Variants in SEMA3D observed in about 807,000 individuals in gnomAD.
The protein encoded by SEMA3D is semaphorin 3D, also known as semaphorin-3D.
A neutral mutation model predicts 100.1 loss-of-function variants in SEMA3D; 84 were observed. The ratio of observed to expected loss-of-function variants is 0.84; its 90% CI spans 0.70 to 1.01. SEMA3D has a LOEUF of 1.01. Ranked by LOEUF, SEMA3D falls within the 50% of genes least tolerant of loss-of-function variation. The probability of loss-of-function intolerance (pLI) is 0.00; values close to 1 mark genes in which losing one functional copy is unlikely to be tolerated. For missense variants in SEMA3D, 875 were observed against 934.1 expected (o/e 0.94, Z 0.82); for synonymous variants, 312 against 320.7 (o/e 0.97, Z 0.29).
the SEMA3D span, among the ~76,000 whole-genome samples, chr7:85,216,649 G>C: frequency 6.6e-6 from 1 of 151,704 alleles, no homozygotes; most frequent in Non-Finnish European, 1.5e-5. Context: ...TCCCACCATT[G>C]CTTTTGTGTT....
chr7:85,025,631 G>A (rs1166265286), intron 12 of SEMA3D, among the ~76,000 whole-genome samples: 2 of 152,056 alleles, frequency 1.3e-5, no homozygotes, highest in Non-Finnish European at 2.9e-5. Flanking sequence ...TTTGAAACAA[G>A]TCAGAGGAAT....
chr7:85,094,381 A>G (rs1353125307), intron 4 of SEMA3D, among the ~76,000 whole-genome samples: 1 of 152,050 alleles, frequency 6.6e-6, no homozygotes, highest in African/African-American at 2.4e-5. Flanking sequence ...GGAGAAAAGG[A>G]TAAACTAAGT....
At chr7:85,112,782 A>G (rs1789128715) in intron 3 of SEMA3D, among the ~76,000 whole-genome samples, 1 of 152,232 alleles carries the variant, frequency 6.6e-6, no homozygotes. Context: ...TAGCCTTGAT[A>G]GCACTTAGCA....
At chr7:85,025,786 A>T (rs1181165342) in intron 12 of SEMA3D, among the ~76,000 whole-genome samples, 1 of 152,032 alleles carries the variant, frequency 6.6e-6, no homozygotes, top group Non-Finnish European at 1.5e-5. Flanking sequence ...GTCAACCTAC[A>T]ACAGATAAAG....
intron 1 of SEMA3D, among the ~76,000 whole-genome samples, chr7:85,166,489 C>G (rs914716320): frequency 6.6e-6 from 1 of 151,916 alleles, no homozygotes; most frequent in Non-Finnish European, 1.5e-5. Flanking sequence ...ATAATAGTAG[C>G]TAACATTTAT....
At chr7:85,039,547 A>C (rs1419448409) in intron 11 of SEMA3D, among the ~76,000 whole-genome samples, 3 of 152,210 alleles carry the variant, frequency 2.0e-5, no homozygotes, top group African/African-American at 7.2e-5. Flanking sequence ...GGCATGAGCC[A>C]TCGTGCCCAC....
intron 1 of SEMA3D, among the ~76,000 whole-genome samples, chr7:85,182,253 A>G (rs1465869554): frequency 6.6e-6 from 1 of 152,118 alleles, no homozygotes; most frequent in African/African-American, 2.4e-5. Context: ...TGATCATTAC[A>G]CTATTCCTGT....
At chr7:85,042,350 G>T in intron 9 of SEMA3D, 65 bp from the exon 10 acceptor site, 1 of 1,157,892 alleles carries the variant, frequency 8.6e-7, no homozygotes, top group Non-Finnish European at 1.3e-6. Flanking sequence ...ACTAAAACTG[G>T]TGGCTATTAC....
chr7:84,999,666 T>G lies in SEMA3D; in HGVS notation c.2108A>C (p.Lys703Thr). ...CAACCGTGACTCAGCCAATAGATCC[T>G]TGACCTTCCCCTCCTCATGCTCTGC... ...QRAEHEEGKVKDLLAESRLRY... is the reference protein window; with the variant it reads ...QRAEHEEGKVTDLLAESRLRY... The change falls in exon 19 of 19, where the codon AAG (lysine) becomes ACG (threonine). Residue 703 changes from lysine (K) to threonine (T), a missense_variant. By Grantham distance (78) the Lys-to-Thr change is moderately conservative. Coordinates refer to ENST00000284136, the MANE Select transcript of SEMA3D (RefSeq NM_001384900.1). 1.2e-6 allele frequency: 2 copies of G among 1,614,094 alleles called. No individual in the cohort carries two copies. Among genetic ancestry groups the G allele is most frequent in the Non-Finnish European group, 1.7e-6 (2 of 1,179,996 alleles).
chr7:85,073,887 T>C (rs188636324), intron 5 of SEMA3D, among the ~76,000 whole-genome samples: 28 of 152,364 alleles, frequency 1.8e-4, no homozygotes, highest in African/African-American at 6.3e-4. Flanking sequence ...CTGTTCTGCA[T>C]ATGCTTATGC....
Position 85,124,451 on chromosome 7 carries a change from C to A in SEMA3D, c.-40-2520G>T, listed in dbSNP as rs187704335. Among the ~76,000 whole-genome samples, 625 of 151,972 alleles carry A rather than the reference C, an allele frequency of 4.1e-3. 4 individuals are homozygous for A. Among genetic ancestry groups the A allele is most frequent in the African/African-American group, 0.014 (596 of 41,480 alleles). ...ATCAGCCATTGGCATCATATCTAATCGCTGACCATTTATAAGGTGAGGAAA... is the reference window on the plus strand; with the variant it reads ...ATCAGCCATTGGCATCATATCTAATAGCTGACCATTTATAAGGTGAGGAAA... On this transcript the variant is annotated intron_variant, in intron 2 of 18. Transcript: ENST00000284136.
intron 2 of SEMA3D, chr7:85,140,055 ATGC>A: frequency 2.0e-6 from 1 of 488,752 alleles, no homozygotes; most frequent in Non-Finnish European, 2.7e-6. Flanking sequence ...ATTATTACAC[ATGC>A]TACTATTAAT....
At chr7:85,227,960 T>C in the SEMA3D span, among the ~76,000 whole-genome samples, 4 of 152,116 alleles carry the variant, frequency 2.6e-5, no homozygotes, top group Admixed American at 2.6e-4. Flanking sequence ...TAGAAAATAA[T>C]AAATTGTTCT....
chr7:85,220,663 G>A, the SEMA3D span, among the ~76,000 whole-genome samples: 1 of 152,026 alleles, frequency 6.6e-6, no homozygotes, highest in Non-Finnish European at 1.5e-5. Context: ...TAATATATAT[G>A]TTATGGGCTT....
intron 4 of SEMA3D, among the ~76,000 whole-genome samples, chr7:85,088,299 C>G (rs1026846506): frequency 2.0e-5 from 3 of 152,100 alleles, no homozygotes; most frequent in Non-Finnish European, 4.4e-5. Context: ...TATATCTGCT[C>G]TTTGTTTCAT....
At chr7:85,175,708 G>C (rs1791205134) in intron 1 of SEMA3D, among the ~76,000 whole-genome samples, 2 of 151,968 alleles carry the variant, frequency 1.3e-5, no homozygotes, top group Admixed American at 1.3e-4. Context: ...TCATCATGCA[G>C]GTCATTTTTC....
rs1379296226 is a variant in SEMA3D, at chr7:85,142,316, T to G, written c.-41+11292A>C. The G allele has an allele frequency of 4.1e-6, 4 of 974,896 alleles. No homozygotes were observed. In the Admixed American group the frequency reaches 1.9e-4, roughly 45 times the overall value. The allele number at this position is 974,896 out of a possible 1,614,324, so 60.4% of individuals were successfully genotyped here. The stretch of plus-strand genomic sequence containing the variant: ...TACTTAGTTTTATCTACACCCTCAG[T>G]GTCAGCCAAAGTTAATTCCATATGA... On this transcript the variant is annotated intron_variant, in intron 2 of 18. Transcript: ENST00000284136.
In SEMA3D at chr7:85,022,419, G is replaced by T; in HGVS notation, c.1386C>A (p.Gly462=). The T allele has an allele frequency of 6.2e-7, 1 of 1,611,472 alleles. No individual in the cohort carries two copies. Among genetic ancestry groups the T allele is most frequent in the Non-Finnish European group, 8.5e-7 (1 of 1,178,178 alleles). The part of the protein sequence containing the change: ...IVVDHVIAED[G]QYDVMFLGTD... Reference sequence around the variant, plus strand: ...TTCCAAGAAACATTACATCGTACTGGCCATCTTCTGCAATGACATGATCCA... The same window carrying T: ...TTCCAAGAAACATTACATCGTACTGTCCATCTTCTGCAATGACATGATCCA... Residue 462 remains glycine, a synonymous_variant, in exon 13 of 19, where the codon GGC becomes GGA. Coordinates refer to ENST00000284136, the MANE Select transcript of SEMA3D (RefSeq NM_001384900.1).
intron 1 of SEMA3D, among the ~76,000 whole-genome samples, chr7:85,185,345 C>A (rs1044842942): frequency 3.8e-4 from 58 of 152,116 alleles, no homozygotes; most frequent in African/African-American, 1.3e-3. Flanking sequence ...CTGCGCGCCC[C>A]CACCCCGCCA....
Sources: allele counts gnomAD v4.1 joint callset (sites outside exome capture counted in the v4.1 genomes callset), GRCh38; gene constraint gnomAD v4.1.1; transcripts MANE v1.5; gene names NCBI Gene and HGNC (gene_info 2026-07-23, HGNC 2026-07-21).